The following SPTAN1 variants were observed in gnomAD, a reference collection of about 807,000 sequenced individuals.
SPTAN1 encodes the protein spectrin alpha chain, non-erythrocytic 1.
Under a neutral mutation model 331.3 loss-of-function variants are expected in SPTAN1, and 61 were observed. The observed-to-expected ratio is 0.18, with a 90% CI of 0.15 to 0.23. The LOEUF is 0.23. Among genes scored for constraint, SPTAN1 ranks in the 10% least tolerant of loss-of-function variants. The pLI, the probability that SPTAN1 is intolerant of heterozygous loss-of-function variation, is 1.00. For missense variants in SPTAN1, 2,043 were observed against 3,147.9 expected (o/e 0.65, Z 8.40); for synonymous variants, 1,153 against 1,173.9 (o/e 0.98, Z 0.36).
chr9:128,630,475 CTAT>C (rs1859526408), intron 52 of SPTAN1, 100 bp downstream of exon 52: 1 of 1,175,152 alleles, frequency 8.5e-7, no homozygotes, highest in Non-Finnish European at 1.3e-6. Flanking sequence ...ACCAGATGTG[CTAT>C]TATTGTACCC....
chr9:128,612,765 A>C (rs1485340425), intron 39 of SPTAN1, among the ~76,000 whole-genome samples: 1 of 152,064 alleles, frequency 6.6e-6, no homozygotes, highest in Non-Finnish European at 1.5e-5. Context: ...GTCTCTACTA[A>C]AAATACAAAA....
At chr9:128,559,452 G>A (rs960002078) in intron 1 of SPTAN1, among the ~76,000 whole-genome samples, 1 of 152,198 alleles carries the variant, frequency 6.6e-6, no homozygotes, top group African/African-American at 2.4e-5. Context: ...TAGAAATGCA[G>A]TGACTCCTGT....
At chr9:128,574,966 C>T (rs1300976618) in intron 4 of SPTAN1, 151 bp downstream of exon 4, 1 of 1,193,578 alleles carries the variant, frequency 8.4e-7, no homozygotes, top group Non-Finnish European at 1.2e-6. Context: ...CAGCTGCTCT[C>T]TAGGTGTATG....
At chr9:128,618,396 AGACAT>A (rs1188410961) in intron 43 of SPTAN1, among the ~76,000 whole-genome samples, 4 of 152,098 alleles carry the variant, frequency 2.6e-5, no homozygotes, top group African/African-American at 7.2e-5. Context: ...CCAGAAATCA[AGACAT>A]GAGAGTCTGG....
intron 21 of SPTAN1, among the ~76,000 whole-genome samples, chr9:128,589,349 C>T (rs1353715108): frequency 6.9e-6 from 1 of 144,026 alleles, no homozygotes; most frequent in African/African-American, 2.6e-5. Flanking sequence ...AGTGCAGTGG[C>T]ACGATTTCAG....
chr9:128,584,074 G>C (rs1564227231), intron 16 of SPTAN1, 105 bp downstream of exon 16: 2 of 1,509,170 alleles, frequency 1.3e-6, no homozygotes, highest in East Asian at 4.6e-5. Flanking sequence ...GGGATGAAAT[G>C]TGTTGATTTT....
intron 3 of SPTAN1, among the ~76,000 whole-genome samples, chr9:128,573,355 C>T (rs142570084): frequency 1.3e-5 from 2 of 152,338 alleles, no homozygotes; most frequent in Non-Finnish European, 2.9e-5. Context: ...ATAAACCTCA[C>T]TTGAGATGTA....
chr9:128,579,561 A>G, intron 9 of SPTAN1, 76 bp from the exon 10 acceptor site: 1 of 1,126,294 alleles, frequency 8.9e-7, no homozygotes, highest in Middle Eastern at 1.9e-4. Context: ...TATAATGCTT[A>G]TGTAAAATTC....
rs1231266681 is a variant in SPTAN1 at position 128,627,309 on chromosome 9, C to G, written c.6577-77C>G. The stretch of plus-strand genomic sequence containing the variant: ...TTCCTTGTGGGGAGGCCACCACCAC[C>G]CTGAGCCCATCTGTGAAGGAGGGGC... On this transcript the variant is annotated intron_variant, in intron 49 of 56. Transcript: ENST00000372739. This position sits in a 1 kb window ranked among gnomAD's most constrained non-coding sequence, Gnocchi z 4.9. 2 of 1,365,090 alleles carry G rather than the reference C, an allele frequency of 1.5e-6. No homozygotes were observed. The highest frequency in any genetic ancestry group is 2.0e-6 in the Non-Finnish European group (2 of 982,174). The allele number at this position is 1,365,090 out of a possible 1,614,324, so 84.6% of individuals were successfully genotyped here.
chr9:128,613,833 C>T lies in SPTAN1; in HGVS notation c.5148+348C>T, dbSNP rs571529341. On this transcript the variant is annotated intron_variant, in intron 40 of 56. Transcript: ENST00000372739. ...ACTCCGGCCAACGTGGTGAGACCTC[C>T]GTCTCTACTAAAAATACAAAAATTA... Among the ~76,000 whole-genome samples, 5 of 151,700 alleles carry T rather than the reference C, an allele frequency of 3.3e-5. No individual in the cohort carries two copies. The East Asian group carries it at 5.9e-4, about 18-fold the overall frequency.
At chr9:128,616,025 T>C (rs1171717933) in intron 41 of SPTAN1, among the ~76,000 whole-genome samples, 185 bp downstream of exon 41, 4 of 152,092 alleles carry the variant, frequency 2.6e-5, no homozygotes, top group East Asian at 1.9e-4. Context: ...TAATTGGCGG[T>C]GGTGGTGATC....
chr9:128,633,531 G>A lies in SPTAN1; in HGVS notation c.*197G>A. 1 of 1,118,474 alleles carries A rather than the reference G, an allele frequency of 8.9e-7. No homozygotes were observed. Among genetic ancestry groups the A allele is most frequent in the Non-Finnish European group, 1.3e-6 (1 of 767,234 alleles). The allele number at this position is 1,118,474 out of a possible 1,614,324, so 69.3% of individuals were successfully genotyped here. ...CATGTCACTGTGGGGACCCAGATCT[G>A]TGTCTTGAAGCAGCTGCCCTCATTC... On this transcript the variant is annotated 3_prime_UTR_variant, in exon 57 of 57. Transcript: ENST00000372739.
At chr9:128,611,227 T>C (rs1421063524) in intron 37 of SPTAN1, among the ~76,000 whole-genome samples, 1 of 152,186 alleles carries the variant, frequency 6.6e-6, no homozygotes, top group Admixed American at 6.5e-5. Flanking sequence ...CCCAGAACTT[T>C]GGGAGGCCAA....
intron 3 of SPTAN1, among the ~76,000 whole-genome samples, chr9:128,569,880 T>C (rs1029944543): frequency 2.0e-5 from 3 of 152,150 alleles, no homozygotes; most frequent in African/African-American, 7.2e-5. Flanking sequence ...TACAGTCTCA[T>C]ATTAAGGACT....
chr9:128,560,382 CTTTT>C (rs1366002329), intron 1 of SPTAN1, among the ~76,000 whole-genome samples: 1 of 128,442 alleles, frequency 7.8e-6, no homozygotes, highest in Non-Finnish European at 1.7e-5. Context: ...CCGTGCCCGC[CTTTT>C]TTTTTTTTTT....
Position 128,627,634 on chromosome 9 carries a change from C to T in SPTAN1, c.6689+136C>T, listed in dbSNP as rs758200512. On this transcript the variant is annotated intron_variant, in intron 50 of 56. Coordinates refer to ENST00000372739, the MANE Select transcript of SPTAN1 (RefSeq NM_001130438.3). The surrounding 1 kb of genome is among the most constrained non-coding windows in gnomAD (Gnocchi z 4.9). ...CCTGGGAATAAAGCTGGGCTGGCAA[C>T]GCCTGGTCGGGCTCTGGAGCCGGGA... The T allele has an allele frequency of 7.1e-5, 67 of 944,504 alleles. 1 individual carries two copies. The highest frequency in any genetic ancestry group is 2.8e-4 in the East Asian group (11 of 38,904). 58.5% of individuals were successfully genotyped at this position (944,504 alleles called of 1,614,324 possible). A position where few individuals can be genotyped will look rare whatever the true frequency, so the allele number is the denominator to read the frequency against.
At chr9:128,619,473 C>A (rs1214910166) in intron 44 of SPTAN1, among the ~76,000 whole-genome samples, 1 of 152,214 alleles carries the variant, frequency 6.6e-6, no homozygotes, top group Non-Finnish European at 1.5e-5. Context: ...CTTGCCTCTT[C>A]CAGTTTTTGC....
At chr9:128,564,567 C>A (rs1849790644) in intron 1 of SPTAN1, among the ~76,000 whole-genome samples, 1 of 119,784 alleles carries the variant, frequency 8.3e-6, no homozygotes, top group African/African-American at 3.1e-5. Flanking sequence ...AAAATAAGGT[C>A]CTGTCTCAAA....
chr9:128,584,716 T>C lies in SPTAN1; in HGVS notation c.2438-5T>C, dbSNP rs1291777412. On this transcript the variant is annotated splice_polypyrimidine_tract_variant and splice_region_variant and intron_variant, in intron 17 of 56. Transcript: ENST00000372739. ...GGATAACTGGGGACTGGTGTCTGCT[T>C]TCAGGTAAGGATTTAATTGGGGTCC... The C allele has an allele frequency of 1.2e-6, 2 of 1,614,206 alleles. No homozygotes were observed. The highest frequency in any genetic ancestry group is 1.6e-4 in the Middle Eastern group (1 of 6,062).
Sources: allele counts gnomAD v4.1 joint callset (sites outside exome capture counted in the v4.1 genomes callset), GRCh38; gene constraint gnomAD v4.1.1; non-coding constraint Gnocchi (gnomAD v3.1); transcripts MANE v1.5; gene names NCBI Gene and HGNC (gene_info 2026-07-23, HGNC 2026-07-21).